FAP: variants seen among roughly 807,000 people sequenced by gnomAD.
FAP encodes the protein prolyl endopeptidase FAP.
In FAP, 110 loss-of-function variants were observed where a neutral mutation model predicts 126.5. The ratio of observed to expected loss-of-function variants is 0.87; its 90% CI spans 0.74 to 1.02. The LOEUF (loss-of-function observed/expected upper bound fraction) is 1.02, where lower values mean the gene tolerates loss of function less well. FAP is among the 50% of genes least tolerant of loss of function. The pLI is 0.00. For synonymous variants in FAP, 334 were observed against 297.3 expected (o/e 1.12, Z -1.27); for missense variants, 919 against 909.2 (o/e 1.01, Z -0.14).
At chr2:162,237,552 T>C (rs974065144) in intron 2 of FAP, among the ~76,000 whole-genome samples, 1 of 152,238 alleles carries the variant, frequency 6.6e-6, no homozygotes, top group African/African-American at 2.4e-5. Context: ...CATGGCTGCA[T>C]AGTATTCCAT....
chr2:162,174,264 C>T (rs995145759), intron 22 of FAP, among the ~76,000 whole-genome samples: 1 of 152,084 alleles, frequency 6.6e-6, no homozygotes, highest in Non-Finnish European at 1.5e-5. Context: ...TCAAGATCCC[C>T]TACAAGTCAC....
intron 15 of FAP, among the ~76,000 whole-genome samples, chr2:162,199,472 C>T (rs1284249346): frequency 6.6e-6 from 1 of 152,210 alleles, no homozygotes; most frequent in Non-Finnish European, 1.5e-5. Context: ...ATCTGCACTG[C>T]CCACATTGGC....
chr2:162,199,230 ATC>A (rs1160891361), intron 15 of FAP, among the ~76,000 whole-genome samples: 2 of 152,214 alleles, frequency 1.3e-5, no homozygotes, highest in Non-Finnish European at 2.9e-5. Context: ...TCGTCTTTCT[ATC>A]TCTCTGTTTC....
intron 25 of FAP, chr2:162,171,543 T>C (rs1208785697): frequency 6.1e-6 from 1 of 162,948 alleles, no homozygotes; most frequent in Non-Finnish European, 1.4e-5. Context: ...ATATAATGTA[T>C]TCATATATAG....
intron 2 of FAP, among the ~76,000 whole-genome samples, chr2:162,230,603 T>A (rs1312663251): frequency 2.0e-5 from 3 of 152,094 alleles, no homozygotes; most frequent in Admixed American, 2.0e-4. Context: ...TATCTTCCCT[T>A]ACTTTCTACC....
chr2:162,189,770 T>C lies in FAP; in HGVS notation c.1451-16A>G. ...ATTTTAATTTCTGAAAAATGTTAAATGTTCATTTTTAATCAATAGTATTTC... is the reference window on the plus strand; with the variant it reads ...ATTTTAATTTCTGAAAAATGTTAAACGTTCATTTTTAATCAATAGTATTTC... On this transcript the variant is annotated splice_polypyrimidine_tract_variant and intron_variant, in intron 17 of 25. Transcript: ENST00000188790. The C allele has an allele frequency of 7.1e-7, 1 of 1,416,774 alleles. No individual in the cohort carries two copies. Among genetic ancestry groups the C allele is most frequent in the Non-Finnish European group, 9.8e-7 (1 of 1,020,438 alleles). The allele number at this position is 1,416,774 out of a possible 1,614,324, so 87.8% of individuals were successfully genotyped here. A position where few individuals can be genotyped will look rare whatever the true frequency, so the allele number is the denominator to read the frequency against.
intron 17 of FAP, 125 bp from the exon 18 acceptor site, chr2:162,189,879 G>A (rs2106228688): frequency 3.4e-6 from 2 of 593,782 alleles, no homozygotes; most frequent in South Asian, 4.2e-5. Context: ...AAGAAGTGAA[G>A]TTTCATATTG....
At chr2:162,227,505 C>A (rs1689705561) in intron 2 of FAP, among the ~76,000 whole-genome samples, 1 of 152,158 alleles carries the variant, frequency 6.6e-6, no homozygotes, top group Non-Finnish European at 1.5e-5. Context: ...CATTCTCCAT[C>A]TCTCCCACCT....
chr2:162,218,784 T>A (rs1013600313), intron 8 of FAP, among the ~76,000 whole-genome samples: 14 of 151,874 alleles, frequency 9.2e-5, no homozygotes, highest in African/African-American at 3.4e-4. Context: ...CATGAGAAAA[T>A]GTACTAATGC....
intron 12 of FAP, 152 bp downstream of exon 12, chr2:162,209,800 A>G: frequency 4.9e-6 from 3 of 608,138 alleles, no homozygotes; most frequent in Non-Finnish European, 8.6e-6. Flanking sequence ...GCACAAAATC[A>G]CTCAAGAGAT....
At chr2:162,202,770 T>C in intron 14 of FAP, 102 bp downstream of exon 14, 1 of 794,116 alleles carries the variant, frequency 1.3e-6, no homozygotes, top group Non-Finnish European at 2.1e-6. Flanking sequence ...AATTATAGAG[T>C]AACAAAAATC....
chr2:162,196,599 G>T (rs62188185), intron 16 of FAP, among the ~76,000 whole-genome samples: 3,413 of 150,532 alleles, frequency 0.023, 45 homozygotes, highest in Non-Finnish European at 0.034. Flanking sequence ...TGTGATCCTA[G>T]TGGCCTAAAC....
chr2:162,223,595 A>G lies in FAP; in HGVS notation c.413+13T>C. On this transcript the variant is annotated intron_variant, in intron 6 of 25. Transcript: ENST00000188790. ...TTAGATTTAAGTAGTATTAATAAAC[A>G]GAGGTGATTTACCCATTGCTAAGGT... The G allele has an allele frequency of 6.6e-7, 1 of 1,513,582 alleles. No individual in the cohort carries two copies. The highest frequency in any genetic ancestry group is 9.2e-7 in the Non-Finnish European group (1 of 1,088,934). 93.8% of individuals were successfully genotyped at this position (1,513,582 alleles called of 1,614,324 possible).
intron 6 of FAP, among the ~76,000 whole-genome samples, chr2:162,223,171 A>C (rs1356449780): frequency 6.6e-6 from 1 of 152,152 alleles, no homozygotes; most frequent in Non-Finnish European, 1.5e-5. Flanking sequence ...TTTTATAATA[A>C]TTAATTTTAA....
intron 12 of FAP, among the ~76,000 whole-genome samples, chr2:162,207,251 AG>A (rs749087877): frequency 2.6e-5 from 4 of 152,214 alleles, no homozygotes; most frequent in African/African-American, 7.2e-5. Flanking sequence ...AACTTACAAA[AG>A]CTAATTAATA....
chr2:162,210,639 T>C (rs1207849518), intron 11 of FAP, among the ~76,000 whole-genome samples: 1 of 152,194 alleles, frequency 6.6e-6, no homozygotes, highest in African/African-American at 2.4e-5. Flanking sequence ...AGAAACTTTA[T>C]GGCACCCTAA....
intron 2 of FAP, among the ~76,000 whole-genome samples, chr2:162,227,529 G>C (rs1318637107): frequency 6.6e-6 from 1 of 151,992 alleles, no homozygotes; most frequent in African/African-American, 2.4e-5. Flanking sequence ...CCCTTCCACA[G>C]GCCACTAAAA....
In FAP at chr2:162,170,899, A is replaced by T; in HGVS notation, c.*80T>A. 9.3e-7 allele frequency: 1 copy of T among 1,076,314 alleles called. No homozygotes were observed. The highest frequency in any genetic ancestry group is 1.6e-5 in the African/African-American group (1 of 63,108). The allele number at this position is 1,076,314 out of a possible 1,614,324, so 66.7% of individuals were successfully genotyped here. ...TGTTTATACTAGCATTTTACAACAT[A>T]AAAAATAAAATAAGCAAACTGTCTG... On this transcript the variant is annotated 3_prime_UTR_variant, in exon 26 of 26. Coordinates refer to ENST00000188790, the MANE Select transcript of FAP (RefSeq NM_004460.5).
intron 11 of FAP, among the ~76,000 whole-genome samples, chr2:162,213,404 C>CAA (rs535092821): frequency 4.4e-4 from 65 of 146,434 alleles, no homozygotes; most frequent in African/African-American, 1.6e-3. Flanking sequence ...AAAAAACAAA[C>CAA]AAAAAAAACA....
Sources: allele counts gnomAD v4.1 joint callset (sites outside exome capture counted in the v4.1 genomes callset), GRCh38; gene constraint gnomAD v4.1.1; transcripts MANE v1.5; gene names NCBI Gene and HGNC (gene_info 2026-07-23, HGNC 2026-07-21).